Variants in PTPRF observed in about 807,000 individuals in gnomAD.
The protein encoded by PTPRF is protein tyrosine phosphatase receptor type F, also known as receptor-type tyrosine-protein phosphatase F.
Under a neutral mutation model 201.8 loss-of-function variants are expected in PTPRF, and 59 were observed. The observed-to-expected ratio is 0.29, with a 90% CI of 0.24 to 0.36. The LOEUF is 0.36. Among genes scored for constraint, PTPRF ranks in the 10% least tolerant of loss-of-function variants. PTPRF has a pLI of 1.00. For synonymous variants in PTPRF, 1,088 were observed against 1,089.7 expected (o/e 1.00, Z 0.03); for missense variants, 2,132 against 2,690.5 (o/e 0.79, Z 4.59).
chr1:43,535,736 T>C (rs974085971), intron 1 of PTPRF, among the ~76,000 whole-genome samples: 3 of 152,200 alleles, frequency 2.0e-5, no homozygotes, highest in African/African-American at 7.2e-5. Context: ...ACTTCACCCC[T>C]TCTGAGGCCT....
chr1:43,579,664 C>CT lies in PTPRF; in HGVS notation c.679+747dup, dbSNP rs767120391. On this transcript the variant is annotated intron_variant, in intron 7 of 33. Transcript: ENST00000359947. Reference sequence around the variant, plus strand: ...GGTGACTAAAGCTGGCCACCTTGCCCTTTCCTGAGAACACACTGGGTCTGG... The same window carrying CT: ...GGTGACTAAAGCTGGCCACCTTGCCCTTTTCCTGAGAACACACTGGGTCTGG... The CT allele has an allele frequency of 1.0e-4, 20 of 193,954 alleles. 1 individual carries two copies. Among genetic ancestry groups the CT allele is most frequent in the African/African-American group, 1.9e-4 (8 of 42,576 alleles). The allele number at this position is 193,954 out of a possible 1,614,324, so 12.0% of individuals were successfully genotyped here.
intron 3 of PTPRF, among the ~76,000 whole-genome samples, chr1:43,552,494 C>T (rs936216821): frequency 1.3e-5 from 2 of 152,202 alleles, no homozygotes; most frequent in African/African-American, 2.4e-5. Context: ...TTGTCATCAT[C>T]GCACACGTTT....
intron 23 of PTPRF, among the ~76,000 whole-genome samples, chr1:43,616,711 T>G (rs1657942813): frequency 6.6e-6 from 1 of 151,892 alleles, no homozygotes; most frequent in African/African-American, 2.4e-5. Context: ...GAACTCAGCT[T>G]TGAAAGGACT....
chr1:43,616,319 C>G (rs942299247), intron 23 of PTPRF, among the ~76,000 whole-genome samples: 3 of 151,394 alleles, frequency 2.0e-5, no homozygotes, highest in Admixed American at 1.3e-4. Context: ...TCCTCACTAA[C>G]GCTTCGCTAT....
At position 43,603,221 on chromosome 1, in the gene PTPRF, G is replaced by A. The variant is rs984590617; in HGVS notation, c.2341-195G>A. On this transcript the variant is annotated intron_variant, in intron 14 of 33. Transcript: ENST00000359947. The surrounding 1 kb of genome is among the most constrained non-coding windows in gnomAD (Gnocchi z 5.8). ...CAGGCGTGCGGCTCCTGGGATGGGCGGGGTCCTCCCAGGCCTGCATCCTAC... is the reference window on the plus strand; with the variant it reads ...CAGGCGTGCGGCTCCTGGGATGGGCAGGGTCCTCCCAGGCCTGCATCCTAC... Among the ~76,000 whole-genome samples the A allele has an allele frequency of 2.0e-5, 3 of 152,080 alleles. No homozygotes were observed. The highest frequency in any genetic ancestry group is 2.1e-4 in the South Asian group (1 of 4,816).
chr1:43,607,217 A>C (rs1203389597), intron 21 of PTPRF, among the ~76,000 whole-genome samples: 2 of 152,216 alleles, frequency 1.3e-5, no homozygotes, highest in Non-Finnish European at 2.9e-5. Context: ...GGGTTGTCTC[A>C]TGTGCATCCC....
rs372145748 is a variant in PTPRF, at chr1:43,621,925, A to G, written c.5656-10A>G. The G allele has an allele frequency of 1.2e-4, 191 of 1,613,908 alleles. No individual in the cohort carries two copies. Among genetic ancestry groups the G allele is most frequent in the Middle Eastern group, 1.2e-3 (7 of 6,082 alleles). On this transcript the variant is annotated splice_polypyrimidine_tract_variant and intron_variant, in intron 33 of 33. Coordinates refer to ENST00000359947, the MANE Select transcript of PTPRF (RefSeq NM_002840.5). ...CGCGACCCACACTGACCAGCCCCCT[A>G]TCCTGGCAGGACCAGTATCAGCTGT...
intron 2 of PTPRF, among the ~76,000 whole-genome samples, chr1:43,539,309 C>T (rs115309021): frequency 0.016 from 2,430 of 152,242 alleles, 30 homozygotes; most frequent in Non-Finnish European, 0.023. Flanking sequence ...TGGTGACTGA[C>T]AACATGGTGG....
Position 43,554,008 on chromosome 1 carries a change from T to C in PTPRF, c.379+67T>C. ...AGGCGTGGGAAGAGCCAGCCAGCCCTGATCCTGTCCTGGGCCCATGTGCAT... is the reference window on the plus strand; with the variant it reads ...AGGCGTGGGAAGAGCCAGCCAGCCCCGATCCTGTCCTGGGCCCATGTGCAT... On this transcript the variant is annotated intron_variant, in intron 5 of 33. Coordinates refer to ENST00000359947, the MANE Select transcript of PTPRF (RefSeq NM_002840.5). This position sits in a 1 kb window ranked among gnomAD's most constrained non-coding sequence, Gnocchi z 4.1. 6.3e-7 allele frequency: 1 copy of C among 1,587,086 alleles called. No homozygotes were observed. Among genetic ancestry groups the C allele is most frequent in the Non-Finnish European group, 8.6e-7 (1 of 1,163,646 alleles).
rs3748801 is a variant in PTPRF, at chr1:43,597,863, C to A, written c.1929C>A (p.Ser643=). The A allele has an allele frequency of 4.4e-6, 7 of 1,608,564 alleles. No individual in the cohort carries two copies. In the Middle Eastern group the frequency reaches 9.9e-4, roughly 228 times the overall value. The part of the protein sequence containing the change: ...DSRNGVITQY[S]VAYEAVDGED... The stretch of plus-strand genomic sequence containing the variant: ...GCAACGGCGTTATCACCCAGTACTC[C>A]GTGGCCTACGAGGCGGTGGACGGCG... Residue 643 remains serine (S), a synonymous_variant, in exon 12 of 34, where the codon TCC becomes TCA. Transcript: ENST00000359947.
Position 43,598,085 on chromosome 1 carries a change from C to T in PTPRF, c.2119+32C>T, listed in dbSNP as rs558942334. 4.1e-6 allele frequency: 6 copies of T among 1,446,650 alleles called. No individual in the cohort carries two copies. The South Asian group carries it at 5.8e-5, about 14-fold the overall frequency. 89.6% of individuals were successfully genotyped at this position (1,446,650 alleles called of 1,614,324 possible). A position where few individuals can be genotyped will look rare whatever the true frequency, so the allele number is the denominator to read the frequency against. ...AGTGCCACCGGGGCGGGAGGGGAGG[C>T]GTTCTGCCTCAGACACCACCCACCA... On this transcript the variant is annotated intron_variant, in intron 12 of 33. Coordinates refer to ENST00000359947, the MANE Select transcript of PTPRF (RefSeq NM_002840.5).
chr1:43,550,138 T>C (rs2819336), intron 3 of PTPRF, among the ~76,000 whole-genome samples: 109,647 of 150,280 alleles, frequency 0.73, 40,756 homozygotes, highest in African/African-American at 0.87. Flanking sequence ...TTGGGCCAGC[T>C]TGGCCTAGTC....
intron 5 of PTPRF, among the ~76,000 whole-genome samples, chr1:43,555,611 A>C (rs982063520): frequency 6.6e-6 from 1 of 151,820 alleles, no homozygotes; most frequent in Non-Finnish European, 1.5e-5. Flanking sequence ...ACTCGTGACT[A>C]ATTTTTGTAT....
chr1:43,546,542 G>A lies in PTPRF; in HGVS notation c.91+1376G>A, dbSNP rs1012855517. Among the ~76,000 whole-genome samples, 4 of 152,096 alleles carry A rather than the reference G, an allele frequency of 2.6e-5. No individual in the cohort carries two copies. The highest frequency in any genetic ancestry group is 4.4e-5 in the Non-Finnish European group (3 of 67,986). On this transcript the variant is annotated intron_variant, in intron 3 of 33. Coordinates refer to ENST00000359947, the MANE Select transcript of PTPRF (RefSeq NM_002840.5). The surrounding 1 kb of genome is among the most constrained non-coding windows in gnomAD (Gnocchi z 4.2). The stretch of plus-strand genomic sequence containing the variant: ...GTCCACGTGTGGTCAGTAGCTCTTG[G>A]ACATTGAAGTACTGTCCTTGCCCTC...
intron 25 of PTPRF, 150 bp downstream of exon 25, chr1:43,618,061 C>A: frequency 2.4e-6 from 2 of 821,804 alleles, no homozygotes; most frequent in Non-Finnish European, 3.7e-6. Flanking sequence ...TTATGCTCCC[C>A]AAATACTGGG....
At position 43,619,162 on chromosome 1, in the gene PTPRF, T is replaced by C; in HGVS notation, c.4606T>C (p.Cys1536Arg). ...ILAFLRRVKA[C>R]NPLDAGPMVV... is the part of the protein sequence containing the mutation. ...GGCCTTCCTACGACGGGTCAAGGCCTGCAACCCCCTAGACGCAGGGCCCAT... is the reference window on the plus strand; with the variant it reads ...GGCCTTCCTACGACGGGTCAAGGCCCGCAACCCCCTAGACGCAGGGCCCAT... The change falls in exon 27 of 34, where the codon TGC becomes CGC. Residue 1536 changes from cysteine (C) to arginine (R), a missense_variant. Cys to Arg is a radical substitution (Grantham distance 180). Transcript: ENST00000359947. 1 of 1,591,430 alleles carries C rather than the reference T, an allele frequency of 6.3e-7. No individual in the cohort carries two copies. The highest frequency in any genetic ancestry group is 1.7e-5 in the Admixed American group (1 of 58,866).
At chr1:43,525,541 G>A (rs538650496), upstream of PTPRF, among the ~76,000 whole-genome samples, 4 of 152,010 alleles carry the variant, frequency 2.6e-5, no homozygotes, top group Admixed American at 1.3e-4. Context: ...GGTGGCTCAC[G>A]CCTGTAATCC....
intron 29 of PTPRF, 23 bp downstream of exon 29, chr1:43,619,881 C>T (rs776687383): frequency 1.1e-4 from 170 of 1,611,146 alleles, no homozygotes; most frequent in Non-Finnish European, 1.4e-4. Flanking sequence ...GTCACTGCCC[C>T]ACCATGCCCT....
At chr1:43,527,752 G>A (rs1314275957), upstream of PTPRF, among the ~76,000 whole-genome samples, 1 of 152,180 alleles carries the variant, frequency 6.6e-6, no homozygotes, top group African/African-American at 2.4e-5. Context: ...GGCTGCCAGA[G>A]CTTCAGGACT....
Sources: allele counts gnomAD v4.1 joint callset (sites outside exome capture counted in the v4.1 genomes callset), GRCh38; gene constraint gnomAD v4.1.1; non-coding constraint Gnocchi (gnomAD v3.1); transcripts MANE v1.5; gene names NCBI Gene and HGNC (gene_info 2026-07-23, HGNC 2026-07-21).